Variants in FEZ2 observed in about 807,000 individuals in gnomAD.
FEZ2 encodes the protein fasciculation and elongation protein zeta 2, also known as fasciculation and elongation protein zeta-2.
In FEZ2, 51 loss-of-function variants were observed where a neutral mutation model predicts 40.4. The observed-to-expected ratio is 1.26, with a 90% CI of 1.01 to 1.59. The LOEUF (loss-of-function observed/expected upper bound fraction) is 1.59. FEZ2 is among the 40% of genes most tolerant of loss of function. The probability of loss-of-function intolerance (pLI) is 0.00; values close to 1 mark genes in which losing one functional copy is unlikely to be tolerated. For synonymous variants in FEZ2, 242 were observed against 172.0 expected (o/e 1.41, Z -3.18); for missense variants, 640 against 438.3 (o/e 1.46, Z -4.11).
At chr2:36,593,826 T>C (rs1359439580) in intron 1 of FEZ2, among the ~76,000 whole-genome samples, 5 of 148,728 alleles carry the variant, frequency 3.4e-5, no homozygotes, top group Non-Finnish European at 7.4e-5. Context: ...CTAGCTTGAA[T>C]TTCTCCCCAG....
chr2:36,579,186 C>T (rs369050876), intron 4 of FEZ2: 4 of 220,970 alleles, frequency 1.8e-5, no homozygotes, highest in Middle Eastern at 1.4e-3. Flanking sequence ...GGCTTGTACA[C>T]GGAAAAGAAC....
At chr2:36,588,171 G>A (rs893237703) in intron 2 of FEZ2, among the ~76,000 whole-genome samples, 2 of 152,132 alleles carry the variant, frequency 1.3e-5, no homozygotes, top group Admixed American at 6.5e-5. Context: ...TGGGATTACA[G>A]GCATGCGCCA....
chr2:36,598,150 C>G lies in FEZ2; in HGVS notation c.-8G>C, dbSNP rs1359313007. 2.1e-6 allele frequency: 3 copies of G among 1,461,654 alleles called. No homozygotes were observed. Among genetic ancestry groups the G allele is most frequent in the Admixed American group, 2.4e-5 (1 of 41,014 alleles). The allele number at this position is 1,461,654 out of a possible 1,614,324, so 90.5% of individuals were successfully genotyped here. Reference sequence around the variant, plus strand: ...GTCCCCGTCCGCCGCCATCGCCGCCCGGAGCAGTCGCGCGCCCCGCCCAGG... The same window carrying G: ...GTCCCCGTCCGCCGCCATCGCCGCCGGGAGCAGTCGCGCGCCCCGCCCAGG... On this transcript the variant is annotated 5_prime_UTR_variant, in exon 1 of 8. Transcript: ENST00000405912.
intron 5 of FEZ2, among the ~76,000 whole-genome samples, chr2:36,571,538 C>T (rs1189692147): frequency 6.6e-6 from 1 of 151,792 alleles, no homozygotes; most frequent in Admixed American, 6.6e-5. Context: ...CGCCGTCATC[C>T]CAGCTACTCA....
chr2:36,573,189 G>T (rs143997484), intron 5 of FEZ2, among the ~76,000 whole-genome samples: 1 of 152,230 alleles, frequency 6.6e-6, no homozygotes, highest in East Asian at 1.9e-4. Flanking sequence ...ACAAGACTTA[G>T]CATAAACAAC....
At chr2:36,562,307 T>C (rs1335227237) in intron 5 of FEZ2, among the ~76,000 whole-genome samples, 2 of 152,260 alleles carry the variant, frequency 1.3e-5, no homozygotes, top group Non-Finnish European at 2.9e-5. Flanking sequence ...ATTAAGTTTC[T>C]TGGGGTCCTT....
intron 4 of FEZ2, among the ~76,000 whole-genome samples, chr2:36,580,389 G>T (rs1461927521): frequency 1.3e-5 from 2 of 152,170 alleles, no homozygotes; most frequent in East Asian, 3.8e-4. Flanking sequence ...ATAAAACTAG[G>T]TGACAACACG....
At chr2:36,568,833 G>T (rs1668326205) in intron 5 of FEZ2, among the ~76,000 whole-genome samples, 1 of 152,140 alleles carries the variant, frequency 6.6e-6, no homozygotes, top group African/African-American at 2.4e-5. Flanking sequence ...AGTATGTATT[G>T]AAAGTCTCAA....
rs779912285 is a variant in FEZ2, at chr2:36,578,817, A to C, written c.683T>G (p.Ile228Ser). ...VSELNEILEE[I>S]ETAIKEYSEE... ...AGAGTACTCCTTAATGGCAGTCTCA[A>C]TTTCTTCCAGGATTTCATTTAACTC... The change falls in exon 5 of 8, where the codon ATT becomes AGT. Residue 228 changes from isoleucine (I) to serine (S), a missense_variant. Ile to Ser is a moderately radical substitution (Grantham distance 142). Transcript: ENST00000405912. The C allele has an allele frequency of 1.2e-6, 2 of 1,613,318 alleles. No homozygotes were observed. The highest frequency in any genetic ancestry group is 1.7e-6 in the Non-Finnish European group (2 of 1,179,718).
At chr2:36,560,584 C>T (rs1434722692) in intron 5 of FEZ2, among the ~76,000 whole-genome samples, 1 of 152,100 alleles carries the variant, frequency 6.6e-6, no homozygotes, top group East Asian at 1.9e-4. Context: ...AATCTATTGT[C>T]GAATTTGAAA....
chr2:36,583,506 T>C (rs748175691), intron 2 of FEZ2, 37 bp from the exon 3 acceptor site: 2 of 1,076,730 alleles, frequency 1.9e-6, no homozygotes, highest in Middle Eastern at 2.5e-4. Flanking sequence ...AAGCAGGACA[T>C]CCTCATCAAA....
At chr2:36,583,314 A>T in intron 3 of FEZ2, 39 bp downstream of exon 3, 1 of 1,014,504 alleles carries the variant, frequency 9.9e-7, no homozygotes, top group Non-Finnish European at 1.5e-6. Flanking sequence ...TCAGCTCTAG[A>T]GTCTCCTTTC....
intron 5 of FEZ2, among the ~76,000 whole-genome samples, chr2:36,561,127 A>G (rs1375557557): frequency 1.3e-5 from 2 of 152,248 alleles, no homozygotes; most frequent in Non-Finnish European, 2.9e-5. Context: ...AATTGTTCCA[A>G]TGTAAATGTT....
chr2:36,582,247 A>C (rs996375915), intron 3 of FEZ2, among the ~76,000 whole-genome samples: 1 of 152,098 alleles, frequency 6.6e-6, no homozygotes, highest in African/African-American at 2.4e-5. Flanking sequence ...AATTAAACAC[A>C]ATTAAATGAA....
chr2:36,554,350 G>T (rs1667899667), intron 7 of FEZ2: 1 of 470,084 alleles, frequency 2.1e-6, no homozygotes, highest in African/African-American at 2.0e-5. Flanking sequence ...GCAGTTAAAT[G>T]CTAAAATAGC....
chr2:36,581,628 A>C, intron 3 of FEZ2, 197 bp from the exon 4 acceptor site: 1 of 563,178 alleles, frequency 1.8e-6, no homozygotes, highest in Non-Finnish European at 3.3e-6. Flanking sequence ...AAAAAATTAC[A>C]ATATACTAAA....
At chr2:36,560,382 G>A (rs959712226) in intron 5 of FEZ2, among the ~76,000 whole-genome samples, 3 of 152,156 alleles carry the variant, frequency 2.0e-5, no homozygotes, top group Admixed American at 6.5e-5. Flanking sequence ...CAAACATACC[G>A]ACATCTGGCC....
chr2:36,589,560 G>A (rs1669005918), intron 2 of FEZ2: 1 of 152,212 alleles, frequency 6.6e-6, no homozygotes, highest in African/African-American at 2.4e-5. Flanking sequence ...GAGAGGAAGG[G>A]AAACTTGAAC....
intron 5 of FEZ2, among the ~76,000 whole-genome samples, chr2:36,572,135 T>G (rs555808150): frequency 6.6e-6 from 1 of 152,292 alleles, no homozygotes; most frequent in East Asian, 1.9e-4. Context: ...TACAACATTT[T>G]TATTCCTTTT....
Sources: gnomAD v4.1 joint callset for allele counts (sites outside exome capture counted in the v4.1 genomes callset) on GRCh38, gnomAD v4.1.1 for gene constraint, MANE v1.5 for transcripts, NCBI Gene and HGNC (gene_info 2026-07-23, HGNC 2026-07-21) for gene names.